The following NBAS variants were observed in gnomAD, a reference collection of about 807,000 sequenced individuals.
The protein encoded by NBAS is NAG/BC035112 fusion.
Under a neutral mutation model 302.5 loss-of-function variants are expected in NBAS, and 219 were observed. The observed-to-expected ratio is 0.72, with a 90% CI of 0.65 to 0.81. NBAS has a LOEUF of 0.81. NBAS is among the 30% of genes least tolerant of loss of function. The probability of loss-of-function intolerance (pLI) is 0.00; values close to 1 mark genes in which losing one functional copy is unlikely to be tolerated. For synonymous variants in NBAS, 1,118 were observed against 1,021.6 expected (o/e 1.09, Z -1.80); for missense variants, 2,932 against 2,841.6 (o/e 1.03, Z -0.72).
chr2:15,475,939 A>C, intron 13 of NBAS, 59 bp from the exon 14 acceptor site: 1 of 1,319,926 alleles, frequency 7.6e-7, no homozygotes, highest in East Asian at 2.5e-5. Context: ...TAAATTCAAA[A>C]TATTTAGTAT....
rs537690913 is a variant in NBAS at position 15,357,580 on chromosome 2, G to T, written c.3818-1164C>A. ...GTCAAAACCTATGTTGCCCAGGCTG[G>T]TCTTAAACTCCTGGGCTCAAGTGAT... On this transcript the variant is annotated intron_variant, in intron 32 of 51. Coordinates refer to ENST00000281513, the MANE Select transcript of NBAS (RefSeq NM_015909.4). 1.5e-4 allele frequency among the ~76,000 whole-genome samples: 23 copies of T among 152,142 alleles called. No homozygotes were observed. The East Asian group carries it at 4.3e-3, about 28-fold the overall frequency.
At chr2:14,807,243 CT>C in the NBAS span, among the ~76,000 whole-genome samples, 1 of 152,076 alleles carries the variant, frequency 6.6e-6, no homozygotes, top group East Asian at 1.9e-4. Flanking sequence ...TTCCATTGAA[CT>C]TTAGAATGAT....
chr2:15,430,805 C>A (rs1053213119), intron 21 of NBAS, among the ~76,000 whole-genome samples: 2 of 151,874 alleles, frequency 1.3e-5, no homozygotes, highest in African/African-American at 2.4e-5. Context: ...AGGTAGAGGG[C>A]AACTTTTTTT....
the NBAS span, among the ~76,000 whole-genome samples, chr2:15,015,870 G>GA: frequency 2.4e-4 from 36 of 151,750 alleles, no homozygotes; most frequent in African/African-American, 8.2e-4. Context: ...AGATGACATA[G>GA]AAAAACCTAA....
At chr2:15,244,559 G>A (rs185463501) in intron 44 of NBAS, among the ~76,000 whole-genome samples, 1 of 152,278 alleles carries the variant, frequency 6.6e-6, no homozygotes, top group East Asian at 1.9e-4. Flanking sequence ...TCCAAGGTGA[G>A]CGCTTAATGC....
the NBAS span, among the ~76,000 whole-genome samples, chr2:14,792,600 C>T: frequency 5.3e-3 from 809 of 151,838 alleles, 4 homozygotes; most frequent in African/African-American, 0.018. Flanking sequence ...AAGTGAAGCA[C>T]GGTAATTTGG....
At chr2:15,332,342 C>A (rs1462399001) in intron 35 of NBAS, among the ~76,000 whole-genome samples, 1 of 152,112 alleles carries the variant, frequency 6.6e-6, no homozygotes, top group Non-Finnish European at 1.5e-5. Flanking sequence ...CTGTATTGTT[C>A]TAAAGCTGCA....
chr2:15,360,965 T>C (rs1673889833), intron 32 of NBAS, among the ~76,000 whole-genome samples: 1 of 152,200 alleles, frequency 6.6e-6, no homozygotes, highest in Non-Finnish European at 1.5e-5. Context: ...AGTAACATAG[T>C]CATTTAGTAA....
intron 26 of NBAS, among the ~76,000 whole-genome samples, chr2:15,401,417 AG>A (rs1676146860): frequency 6.6e-6 from 1 of 152,196 alleles, no homozygotes; most frequent in Non-Finnish European, 1.5e-5. Flanking sequence ...GAGAGCAAAG[AG>A]AAAGAGAAAA....
intron 21 of NBAS, among the ~76,000 whole-genome samples, chr2:15,457,409 C>A (rs1041475685): frequency 6.6e-6 from 1 of 152,184 alleles, no homozygotes; most frequent in African/African-American, 2.4e-5. Flanking sequence ...AAGTTAACGG[C>A]CATCCAAGGC....
intron 6 of NBAS, among the ~76,000 whole-genome samples, chr2:15,549,151 T>A (rs976936844): frequency 6.6e-6 from 1 of 152,156 alleles, no homozygotes. Flanking sequence ...CACAACTCAA[T>A]TTATAAAATT....
the NBAS span, among the ~76,000 whole-genome samples, chr2:15,024,425 C>T: frequency 6.6e-6 from 1 of 152,052 alleles, no homozygotes; most frequent in Admixed American, 6.6e-5. Flanking sequence ...AGTGCTGCAA[C>T]TTAGGCATGA....
chr2:15,061,811 C>A, the NBAS span, among the ~76,000 whole-genome samples: 5 of 152,204 alleles, frequency 3.3e-5, no homozygotes, highest in Non-Finnish European at 7.3e-5. Context: ...GAATACATGG[C>A]TAAAACCCTT....
chr2:15,554,853 T>A (rs1026843420), intron 3 of NBAS, among the ~76,000 whole-genome samples: 2 of 151,910 alleles, frequency 1.3e-5, no homozygotes, highest in Admixed American at 1.3e-4. Flanking sequence ...ATATGTAAGA[T>A]CAGATTACAA....
Position 15,238,706 on chromosome 2 carries a change from A to G in NBAS, c.5725-20T>C. The G allele has an allele frequency of 1.2e-6, 2 of 1,601,546 alleles. No homozygotes were observed. The highest frequency in any genetic ancestry group is 1.7e-6 in the Non-Finnish European group (2 of 1,172,594). On this transcript the variant is annotated intron_variant, in intron 44 of 51. Transcript: ENST00000281513. ...AGACAGCTTAAAAAAAAGAATAGTG[A>G]GACCAAAGAACCCTGCATTATTACC...
At position 15,340,714 on chromosome 2, in the gene NBAS, C is replaced by T. The variant is rs112877129; in HGVS notation, c.4180-9949G>A. Among the ~76,000 whole-genome samples, 1,083 of 152,188 alleles carry T rather than the reference C, an allele frequency of 7.1e-3. 10 individuals are homozygous for T. The highest frequency in any genetic ancestry group is 0.022 in the African/African-American group (921 of 41,536). On this transcript the variant is annotated intron_variant, in intron 35 of 51. Transcript: ENST00000281513. The stretch of plus-strand genomic sequence containing the variant: ...AAAGACTATGACCTAGGGTATCTAA[C>T]ATTTAGCTGGGGAGATGAGGACAAA...
At chr2:14,842,812 C>A in the NBAS span, among the ~76,000 whole-genome samples, 5 of 150,160 alleles carry the variant, frequency 3.3e-5, no homozygotes, top group African/African-American at 1.2e-4. Flanking sequence ...TTCTATGAGG[C>A]CAGCATTTTC....
the NBAS span, among the ~76,000 whole-genome samples, chr2:15,138,170 A>C: frequency 1.3e-5 from 2 of 152,162 alleles, no homozygotes; most frequent in African/African-American, 4.8e-5. Context: ...GAGGATGGGA[A>C]ACAGTCGGGT....
At chr2:14,921,190 GGA>G in the NBAS span, among the ~76,000 whole-genome samples, 1 of 151,996 alleles carries the variant, frequency 6.6e-6, no homozygotes, top group East Asian at 1.9e-4. Flanking sequence ...AAGGAGAGGG[GGA>G]GAGAGATGGG....
Sources: gnomAD v4.1 joint callset for allele counts (sites outside exome capture counted in the v4.1 genomes callset) on GRCh38, gnomAD v4.1.1 for gene constraint, MANE v1.5 for transcripts, NCBI Gene and HGNC (gene_info 2026-07-23, HGNC 2026-07-21) for gene names.